Variants in USP40 observed in about 807,000 individuals in gnomAD.
USP40 encodes ubiquitin carboxyl-terminal hydrolase 40.
USP40 carries 143 observed loss-of-function variants against 166.2 expected under a neutral mutation model. The ratio of observed to expected loss-of-function variants is 0.86; its 90% confidence interval spans 0.75 to 0.99. The LOEUF is 0.99. Among genes scored for constraint, USP40 ranks in the 50% least tolerant of loss-of-function variants. The probability of loss-of-function intolerance (pLI) is 0.00; values close to 1 mark genes in which losing one functional copy is unlikely to be tolerated. For synonymous variants in USP40, 498 were observed against 524.0 expected (o/e 0.95, Z 0.68); for missense variants, 1,444 against 1,479.7 (o/e 0.98, Z 0.40).
chr2:233,476,296 A>C lies in USP40; in HGVS notation c.*1096T>G, dbSNP rs1190273019. 6.6e-6 allele frequency: 1 copy of C among 152,406 alleles called. No homozygotes were observed. The highest frequency in any genetic ancestry group is 1.5e-5 in the Non-Finnish European group (1 of 68,058). 9.4% of individuals were successfully genotyped at this position (152,406 alleles called of 1,614,324 possible). ...TGAGGCCCAGGTGACAAGCAGGCTCAGGACATGCGACACCGTCTTCGGGAT... is the reference window on the plus strand; with the variant it reads ...TGAGGCCCAGGTGACAAGCAGGCTCCGGACATGCGACACCGTCTTCGGGAT... On this transcript the variant is annotated 3_prime_UTR_variant, in exon 32 of 32. Coordinates refer to ENST00000678225, the MANE Select transcript of USP40 (RefSeq NM_001365479.2).
chr2:233,521,969 T>C (rs774340329), intron 16 of USP40, among the ~76,000 whole-genome samples: 1 of 152,208 alleles, frequency 6.6e-6, no homozygotes, highest in Non-Finnish European at 1.5e-5. Flanking sequence ...TCTATGAAGT[T>C]GGCACTAGTT....
At chr2:233,542,439 A>C in intron 8 of USP40, 76 bp from the exon 9 acceptor site, 1 of 840,974 alleles carries the variant, frequency 1.2e-6, no homozygotes. Context: ...GGCCAGGCAC[A>C]GTAGCTCACA....
chr2:233,565,585 T>G lies in USP40; in HGVS notation c.-19-12A>C, dbSNP rs2072072754. The G allele has an allele frequency of 6.6e-7, 1 of 1,526,686 alleles. No individual in the cohort carries two copies. Among genetic ancestry groups the G allele is most frequent in the Non-Finnish European group, 8.7e-7 (1 of 1,142,934 alleles). The allele number at this position is 1,526,686 out of a possible 1,614,324, so 94.6% of individuals were successfully genotyped here. On this transcript the variant is annotated splice_polypyrimidine_tract_variant and intron_variant, in intron 1 of 31. Transcript: ENST00000678225. Reference sequence around the variant, plus strand: ...AACTAAATACTACCCTTAAAAAAAGTGACATATAAATGCTTTTATTTTTAA... The same window carrying G: ...AACTAAATACTACCCTTAAAAAAAGGGACATATAAATGCTTTTATTTTTAA...
At chr2:233,523,890 T>G (rs995013507) in intron 15 of USP40, among the ~76,000 whole-genome samples, 4 of 152,094 alleles carry the variant, frequency 2.6e-5, no homozygotes, top group African/African-American at 9.7e-5. Context: ...ACAGGCACTA[T>G]GCACAGACCC....
chr2:233,565,545 C>A lies in USP40; in HGVS notation c.10G>T (p.Asp4Tyr). The A allele has an allele frequency of 6.5e-7, 1 of 1,536,850 alleles. No individual in the cohort carries two copies. Among genetic ancestry groups the A allele is most frequent in the South Asian group, 1.2e-5 (1 of 83,930 alleles). The part of the protein sequence containing the change: MFG[D>Y]LFEEEYSTVS... ...GTGGAATACTCCTCTTCAAACAGGT[C>A]CCCAAACATTGTGAAACTAAATACT... is the stretch of plus-strand genomic sequence containing the variant. The change falls in exon 2 of 32, where the codon GAC becomes TAC. Residue 4 changes from aspartate (D) to tyrosine (Y), a missense_variant. Coordinates refer to ENST00000678225, the MANE Select transcript of USP40 (RefSeq NM_001365479.2).
At chr2:233,555,331 T>C (rs2070970850) in intron 5 of USP40, among the ~76,000 whole-genome samples, 1 of 152,234 alleles carries the variant, frequency 6.6e-6, no homozygotes, top group African/African-American at 2.4e-5. Flanking sequence ...GCACTTACAA[T>C]TTGGCAAATT....
At chr2:233,516,305 T>C (rs2067191404) in intron 18 of USP40, among the ~76,000 whole-genome samples, 1 of 152,162 alleles carries the variant, frequency 6.6e-6, no homozygotes. Flanking sequence ...ATGAAAATTG[T>C]AGAGTCAGCT....
intron 17 of USP40, among the ~76,000 whole-genome samples, chr2:233,519,904 G>A (rs1245182337): frequency 6.6e-6 from 1 of 151,996 alleles, no homozygotes; most frequent in African/African-American, 2.4e-5. Context: ...GGAACAGAAA[G>A]GACACCTACA....
intron 9 of USP40, 35 bp downstream of exon 9, chr2:233,542,233 C>T (rs1022145483): frequency 1.6e-6 from 2 of 1,266,400 alleles, no homozygotes; most frequent in African/African-American, 1.5e-5. Context: ...ACAATACATA[C>T]CATACATACA....
Position 233,549,220 on chromosome 2 carries a change from C to A in USP40, c.847G>T (p.Asp283Tyr). ...AGGTCATATATATATTCTAAGTCATCCAATTCACTCTAAAAGAAAAAAGAA... is the reference window on the plus strand; with the variant it reads ...AGGTCATATATATATTCTAAGTCATACAATTCACTCTAAAAGAAAAAAGAA... ...LKPFCEQSEL[D>Y]DLEYIYDLFS... Residue 283 changes from aspartate (D) to tyrosine (Y), a missense_variant, in exon 8 of 32, where the codon GAT becomes TAT. By Grantham distance (160) the Asp-to-Tyr change is radical. Transcript: ENST00000678225. The A allele has an allele frequency of 1.4e-6, 2 of 1,426,856 alleles. No homozygotes were observed. Among genetic ancestry groups the A allele is most frequent in the East Asian group, 2.4e-5 (1 of 42,284 alleles). 88.4% of individuals were successfully genotyped at this position (1,426,856 alleles called of 1,614,324 possible).
At chr2:233,525,193 A>G (rs930034282) in intron 14 of USP40, among the ~76,000 whole-genome samples, 2 of 152,256 alleles carry the variant, frequency 1.3e-5, no homozygotes, top group African/African-American at 4.8e-5. Flanking sequence ...ATATGTGTCA[A>G]TATAAAAAAT....
chr2:233,517,530 G>T (rs548579452), intron 18 of USP40, among the ~76,000 whole-genome samples: 7 of 151,966 alleles, frequency 4.6e-5, no homozygotes, highest in African/African-American at 1.7e-4. Context: ...AACTACAGGC[G>T]CACACCACCA....
At chr2:233,523,511 C>A in intron 15 of USP40, 22 bp from the exon 16 acceptor site, 1 of 1,595,434 alleles carries the variant, frequency 6.3e-7, no homozygotes, top group Non-Finnish European at 8.6e-7. Context: ...CCAAGACAAC[C>A]ATTAGTACAG....
rs950872308 is a variant in USP40 at position 233,562,680 on chromosome 2, C to T, written c.267+56G>A. On this transcript the variant is annotated intron_variant, in intron 3 of 31. Coordinates refer to ENST00000678225, the MANE Select transcript of USP40 (RefSeq NM_001365479.2). ...TGTATACATATGTAACTAACCTGCACATTGTGCACATGTACCCTAAAACTT... is the reference window on the plus strand; with the variant it reads ...TGTATACATATGTAACTAACCTGCATATTGTGCACATGTACCCTAAAACTT... 6.9e-5 allele frequency: 89 copies of T among 1,295,548 alleles called. No individual in the cohort carries two copies. The African/African-American group carries it at 1.2e-3, about 17-fold the overall frequency. The allele number at this position is 1,295,548 out of a possible 1,614,324, so 80.3% of individuals were successfully genotyped here.
intron 7 of USP40, among the ~76,000 whole-genome samples, chr2:233,550,591 A>T (rs2070460098): frequency 6.6e-6 from 1 of 152,064 alleles, no homozygotes; most frequent in African/African-American, 2.4e-5. Flanking sequence ...TTAGAAAAAG[A>T]TTACTTTTTT....
intron 2 of USP40, 104 bp downstream of exon 2, chr2:233,565,252 G>A (rs1190737113): frequency 4.5e-6 from 4 of 898,508 alleles, no homozygotes; most frequent in Non-Finnish European, 5.0e-6. Flanking sequence ...ACATACTGTA[G>A]AATATATCTT....
At position 233,523,940 on chromosome 2, in the gene USP40, G is replaced by C. The variant is rs567121413; in HGVS notation, c.1882-451C>G. On this transcript the variant is annotated intron_variant, in intron 15 of 31. Coordinates refer to ENST00000678225, the MANE Select transcript of USP40 (RefSeq NM_001365479.2). ...TATGGTGCAGTTCTTCACACGACGA[G>C]GGCCTAAAAGGACACAGATCAACTG... Among the ~76,000 whole-genome samples, 4 of 152,278 alleles carry C rather than the reference G, an allele frequency of 2.6e-5. No individual in the cohort carries two copies. In the East Asian group the frequency reaches 7.7e-4, roughly 29 times the overall value.
chr2:233,519,552 T>A, intron 18 of USP40, 62 bp downstream of exon 18: 2 of 1,096,646 alleles, frequency 1.8e-6, no homozygotes. Flanking sequence ...TCCTATATTT[T>A]CTTCAATTCA....
chr2:233,505,210 T>C (rs115823212), intron 21 of USP40, among the ~76,000 whole-genome samples: 1 of 152,026 alleles, frequency 6.6e-6, no homozygotes, highest in Non-Finnish European at 1.5e-5. Flanking sequence ...AGAGGGAAGT[T>C]CACAGCAATA....
Sources: gnomAD v4.1 joint callset for allele counts (sites outside exome capture counted in the v4.1 genomes callset) on GRCh38, gnomAD v4.1.1 for gene constraint, MANE v1.5 for transcripts, NCBI Gene and HGNC (gene_info 2026-07-23, HGNC 2026-07-21) for gene names.